SP2: variants seen among roughly 807,000 people sequenced by gnomAD.
SP2 encodes the protein transcription factor Sp2.
SP2 carries 9 observed loss-of-function variants against 50.1 expected under a neutral mutation model. The ratio of observed to expected loss-of-function variants is 0.18; its 90% CI spans 0.11 to 0.31. The LOEUF is 0.31. Ranked by LOEUF, SP2 falls within the 10% of genes least tolerant of loss-of-function variation. The pLI, the probability that SP2 is intolerant of heterozygous loss-of-function variation, is 1.00. For missense variants in SP2, 581 were observed against 806.5 expected, an observed-to-expected ratio of 0.72 and a Z score of 3.39; for synonymous variants, 313 against 326.6, an observed-to-expected ratio of 0.96 and a Z score of 0.45.
At chr17:47,903,541 C>T (rs34275354) in intron 1 of SP2, among the ~76,000 whole-genome samples, 4,230 of 152,124 alleles carry the variant, frequency 0.028, 198 homozygotes, top group African/African-American at 0.095. Context: ...GTGTCAGGCC[C>T]GTGTAATCCC....
intron 1 of SP2, among the ~76,000 whole-genome samples, chr17:47,909,379 C>T (rs1440602837): frequency 6.6e-6 from 1 of 152,140 alleles, no homozygotes; most frequent in Non-Finnish European, 1.5e-5. Flanking sequence ...TCTTTCTGCC[C>T]TATATGCATG....
chr17:47,901,880 G>C (rs1428349921), intron 1 of SP2, among the ~76,000 whole-genome samples: 2 of 152,146 alleles, frequency 1.3e-5, no homozygotes, highest in African/African-American at 4.8e-5. Flanking sequence ...AGATTATTAA[G>C]CACCTACCAT....
At chr17:47,900,657 G>A (rs2034503105) in intron 1 of SP2, among the ~76,000 whole-genome samples, 1 of 152,186 alleles carries the variant, frequency 6.6e-6, no homozygotes, top group Non-Finnish European at 1.5e-5. Flanking sequence ...CACGCCTGTA[G>A]TCCCAGCTAC....
chr17:47,900,958 C>A (rs927442329), intron 1 of SP2, among the ~76,000 whole-genome samples: 6 of 152,098 alleles, frequency 3.9e-5, no homozygotes, highest in Middle Eastern at 3.2e-3. Context: ...GATGCTGTTT[C>A]TTGGGCCTGC....
In SP2 at chr17:47,916,590, T is replaced by G; in HGVS notation, c.519T>G (p.Ser173Arg). Residue 173 changes from serine (S) to arginine (R), a missense_variant, in exon 3 of 7, where the codon AGT becomes AGG. Transcript: ENST00000376741. This position sits in a 1 kb window ranked among gnomAD's most constrained non-coding sequence, Gnocchi z 4.7. Reference sequence around the variant, plus strand: ...CCATCATCACCCCCTCACCGTCCAGTCACAAGCCTGTCCCCATCAAGCCAG... The same window carrying G: ...CCATCATCACCCCCTCACCGTCCAGGCACAAGCCTGTCCCCATCAAGCCAG... The part of the protein sequence containing the change: ...NQAIITPSPS[S>R]HKPVPIKPAP... The G allele has an allele frequency of 6.2e-7, 1 of 1,613,900 alleles. No individual in the cohort carries two copies. The highest frequency in any genetic ancestry group is 8.5e-7 in the Non-Finnish European group (1 of 1,179,954).
At chr17:47,912,077 G>A (rs1290147629) in intron 1 of SP2, among the ~76,000 whole-genome samples, 1 of 152,180 alleles carries the variant, frequency 6.6e-6, no homozygotes, top group Non-Finnish European at 1.5e-5. Flanking sequence ...TGTATACCAT[G>A]CTCTTGATGT....
Position 47,916,233 on chromosome 17 carries a change from G to A in SP2, c.162G>A (p.Val54=). The part of the protein sequence containing the change: ...KIGPPAVEAA[V]TPPAPPQPTP... ...GCCCTCCAGCAGTTGAAGCTGCTGT[G>A]ACACCTCCTGCTCCCCCACAGCCCA... The change falls in exon 3 of 7, where the codon GTG becomes GTA. Residue 54 remains valine (V), a synonymous_variant. Transcript: ENST00000376741. The surrounding 1 kb of genome is among the most constrained non-coding windows in gnomAD (Gnocchi z 4.7). 1 of 1,614,010 alleles carries A rather than the reference G, an allele frequency of 6.2e-7. No individual in the cohort carries two copies. Among genetic ancestry groups the A allele is most frequent in the South Asian group, 1.1e-5 (1 of 91,050 alleles).
rs564543546 is a variant in SP2, at chr17:47,916,004, G to A, written c.85-152G>A. 21 of 855,456 alleles carry A rather than the reference G, an allele frequency of 2.5e-5. No individual in the cohort carries two copies. In the South Asian group the frequency reaches 2.6e-4, roughly 11 times the overall value. 53.0% of individuals were successfully genotyped at this position (855,456 alleles called of 1,614,324 possible). ...AGAAACCAGTAGAGAAGGGGAGACAGCAGCCAAGCAGGGGAGGGTACTGGC... is the reference window on the plus strand; with the variant it reads ...AGAAACCAGTAGAGAAGGGGAGACAACAGCCAAGCAGGGGAGGGTACTGGC... On this transcript the variant is annotated intron_variant, in intron 2 of 6. Transcript: ENST00000376741. The surrounding 1 kb of genome is among the most constrained non-coding windows in gnomAD (Gnocchi z 4.7).
intron 1 of SP2, among the ~76,000 whole-genome samples, chr17:47,913,036 T>C (rs149034535): frequency 2.8e-4 from 43 of 151,936 alleles, no homozygotes; most frequent in African/African-American, 9.9e-4. Context: ...ATTTTTTGTC[T>C]TTTTAGTAGA....
At chr17:47,920,082 T>C (rs960823153) in intron 3 of SP2, among the ~76,000 whole-genome samples, 3 of 152,018 alleles carry the variant, frequency 2.0e-5, no homozygotes, top group Non-Finnish European at 4.4e-5. Flanking sequence ...TTGACCATCA[T>C]GACCTTGACA....
intron 1 of SP2, among the ~76,000 whole-genome samples, chr17:47,902,737 CTAGT>C (rs2034590606): frequency 6.6e-6 from 1 of 152,016 alleles, no homozygotes; most frequent in Non-Finnish European, 1.5e-5. Flanking sequence ...CTGTTTGGGG[CTAGT>C]TAGATTTTTG....
chr17:47,897,246 C>T (rs2034376538), intron 1 of SP2: 1 of 152,224 alleles, frequency 6.6e-6, no homozygotes, highest in Non-Finnish European at 1.5e-5. Context: ...AATTTTAGTT[C>T]AGAAGGAACT....
intron 1 of SP2, chr17:47,897,356 A>T (rs1259688855): frequency 6.6e-6 from 1 of 152,228 alleles, no homozygotes; most frequent in East Asian, 1.9e-4. Flanking sequence ...AACTTCATCC[A>T]AGGGGACTCA....
At chr17:47,927,650 C>T (rs1038656095) in intron 6 of SP2, 74 bp from the exon 7 acceptor site, 15 of 978,834 alleles carry the variant, frequency 1.5e-5, no homozygotes, top group Admixed American at 8.3e-5. Flanking sequence ...GCACCTCACA[C>T]GCACCCCACC....
intron 1 of SP2, among the ~76,000 whole-genome samples, chr17:47,905,703 C>T (rs1177243168): frequency 6.6e-6 from 1 of 152,196 alleles, no homozygotes; most frequent in Non-Finnish European, 1.5e-5. Context: ...GACAGGGACA[C>T]ACTCCCAGCT....
chr17:47,903,950 G>A (rs570299608), intron 1 of SP2, among the ~76,000 whole-genome samples: 1 of 140,020 alleles, frequency 7.1e-6, no homozygotes, highest in South Asian at 2.3e-4. Context: ...GCAACAGAGC[G>A]AGACTTTGTC....
Position 47,915,406 on chromosome 17 carries a change from T to C in SP2, c.84+18T>C. On this transcript the variant is annotated intron_variant, in intron 2 of 6. Coordinates refer to ENST00000376741, the MANE Select transcript of SP2 (RefSeq NM_003110.6). ...CCACCCAGGCGAGTAGGCAGTGGGC[T>C]CCGAGGGCTTGGGGCTGCAGCATCC... 1 of 1,588,298 alleles carries C rather than the reference T, an allele frequency of 6.3e-7. No individual in the cohort carries two copies. The highest frequency in any genetic ancestry group is 8.6e-7 in the Non-Finnish European group (1 of 1,159,318).
chr17:47,898,547 C>T (rs1379986280), intron 1 of SP2: 1 of 152,092 alleles, frequency 6.6e-6, no homozygotes, highest in Admixed American at 6.6e-5. Flanking sequence ...TAAACCTTGC[C>T]CACTCATTTC....
At chr17:47,927,623 T>C (rs959432166) in intron 6 of SP2, 101 bp from the exon 7 acceptor site, 6 of 673,922 alleles carry the variant, frequency 8.9e-6, no homozygotes, top group Admixed American at 2.3e-5. Context: ...GACAAGGCCA[T>C]GTCAGCTTGA....
Sources: allele counts gnomAD v4.1 joint callset (sites outside exome capture counted in the v4.1 genomes callset), GRCh38; gene constraint gnomAD v4.1.1; non-coding constraint Gnocchi (gnomAD v3.1); transcripts MANE v1.5; gene names NCBI Gene and HGNC (gene_info 2026-07-23, HGNC 2026-07-21).